Variants in NELL1 observed in about 807,000 individuals in gnomAD.
NELL1 encodes the protein neural EGFL like 1.
A neutral mutation model predicts 107.4 loss-of-function variants in NELL1; 76 were observed. The ratio of observed to expected loss-of-function variants is 0.71; its 90% CI spans 0.59 to 0.86. The LOEUF (loss-of-function observed/expected upper bound fraction) is 0.86. Among genes scored for constraint, NELL1 ranks in the 40% least tolerant of loss-of-function variants. NELL1 has a pLI of 0.00. For missense variants in NELL1, 1,024 were observed against 1,005.5 expected (o/e 1.02, Z -0.25); for synonymous variants, 353 against 341.2 (o/e 1.03, Z -0.38).
intron 2 of NELL1, among the ~76,000 whole-genome samples, chr11:20,706,166 G>T (rs151053854): frequency 6.6e-6 from 1 of 152,040 alleles, no homozygotes; most frequent in Non-Finnish European, 1.5e-5. Flanking sequence ...CCATTACTGG[G>T]TTATATACCC....
At chr11:21,279,837 A>G (rs983928338) in intron 14 of NELL1, among the ~76,000 whole-genome samples, 1 of 152,218 alleles carries the variant, frequency 6.6e-6, no homozygotes, top group Admixed American at 6.5e-5. Context: ...CAGGAGTTGA[A>G]AGGATAAACT....
chr11:20,715,018 C>A (rs142911465), intron 2 of NELL1, among the ~76,000 whole-genome samples: 2 of 151,940 alleles, frequency 1.3e-5, no homozygotes, highest in Non-Finnish European at 2.9e-5. Flanking sequence ...CCAAGGCGGG[C>A]GGATCACGAG....
intron 15 of NELL1, among the ~76,000 whole-genome samples, chr11:21,461,295 T>G (rs986525137): frequency 1.3e-5 from 2 of 152,120 alleles, no homozygotes; most frequent in African/African-American, 4.8e-5. Context: ...CCACCACTTA[T>G]TAGTAGTTTC....
chr11:21,364,992 TC>T (rs1314229579), intron 14 of NELL1, among the ~76,000 whole-genome samples: 2 of 152,226 alleles, frequency 1.3e-5, no homozygotes, highest in African/African-American at 4.8e-5. Context: ...CTGAAATGTC[TC>T]TTTTCCTGTA....
intron 14 of NELL1, among the ~76,000 whole-genome samples, chr11:21,291,899 A>G (rs551899994): frequency 4.6e-5 from 7 of 152,318 alleles, no homozygotes; most frequent in South Asian, 2.1e-4. Flanking sequence ...AAAACTCTCA[A>G]TAAACTAGGT....
chr11:21,376,542 G>A (rs992099474), intron 15 of NELL1, among the ~76,000 whole-genome samples: 42 of 151,848 alleles, frequency 2.8e-4, no homozygotes, highest in African/African-American at 8.5e-4. Flanking sequence ...TTTTTGTTTC[G>A]GTTCCAAATG....
intron 12 of NELL1, among the ~76,000 whole-genome samples, chr11:21,019,992 G>A (rs1353696494): frequency 6.6e-6 from 1 of 152,088 alleles, no homozygotes; most frequent in Non-Finnish European, 1.5e-5. Flanking sequence ...TTTGCAGCTA[G>A]AATGTCTACT....
At chr11:21,107,179 G>A (rs1275107070) in intron 12 of NELL1, among the ~76,000 whole-genome samples, 1 of 151,942 alleles carries the variant, frequency 6.6e-6, no homozygotes, top group Non-Finnish European at 1.5e-5. Flanking sequence ...ATACATTTAG[G>A]GTTCACTCGT....
At chr11:20,810,897 A>G (rs1161061467) in intron 3 of NELL1, among the ~76,000 whole-genome samples, 1 of 151,760 alleles carries the variant, frequency 6.6e-6, no homozygotes, top group African/African-American at 2.4e-5. Flanking sequence ...TATATTTTTT[A>G]TATTAACCCC....
intron 12 of NELL1, among the ~76,000 whole-genome samples, chr11:21,042,573 C>T (rs1477561930): frequency 6.6e-6 from 1 of 152,198 alleles, no homozygotes; most frequent in Non-Finnish European, 1.5e-5. Flanking sequence ...GCTGGGGCCT[C>T]AGATGACAGA....
chr11:21,542,373 G>A (rs1476605801), intron 16 of NELL1, among the ~76,000 whole-genome samples: 1 of 152,034 alleles, frequency 6.6e-6, no homozygotes, highest in Non-Finnish European at 1.5e-5. Flanking sequence ...ATAGGTAGAG[G>A]AGATGTTAGC....
intron 15 of NELL1, among the ~76,000 whole-genome samples, chr11:21,432,438 A>T (rs1013818073): frequency 5.3e-5 from 8 of 152,092 alleles, no homozygotes; most frequent in Admixed American, 2.0e-4. Context: ...TCCACCCTAA[A>T]CCTCACAAAA....
At chr11:20,909,389 T>C (rs1850075309) in intron 5 of NELL1, among the ~76,000 whole-genome samples, 1 of 152,110 alleles carries the variant, frequency 6.6e-6, no homozygotes, top group Admixed American at 6.6e-5. Flanking sequence ...TGGACCTAGG[T>C]TGGGACCCAA....
At chr11:20,673,083 A>G (rs1190193867) in intron 1 of NELL1, among the ~76,000 whole-genome samples, 1 of 150,362 alleles carries the variant, frequency 6.7e-6, no homozygotes, top group East Asian at 2.0e-4. Flanking sequence ...GCTGGTCTCG[A>G]ACTCCTGACC....
intron 5 of NELL1, among the ~76,000 whole-genome samples, chr11:20,889,481 C>T (rs990864573): frequency 2.0e-5 from 3 of 152,184 alleles, no homozygotes; most frequent in Admixed American, 2.0e-4. Context: ...ATTTAAAAAA[C>T]TTCCTGGAAG....
At chr11:21,240,798 G>A (rs7117679) in intron 14 of NELL1, among the ~76,000 whole-genome samples, 37,802 of 148,846 alleles carry the variant, frequency 0.25, 5,182 homozygotes, top group East Asian at 0.43. Context: ...TATTGGATGC[G>A]CTTAAAACAC....
rs184568944 is a variant in NELL1 at position 21,569,320 on chromosome 11, C to G, written c.1981-1444C>G. On this transcript the variant is annotated intron_variant, in intron 17 of 19. Transcript: ENST00000357134. Reference sequence around the variant, plus strand: ...CATTGCTGAATAATTCTATTTAGTTCTCTCTCAGCTACCTCATTTGAGAAA... The same window carrying G: ...CATTGCTGAATAATTCTATTTAGTTGTCTCTCAGCTACCTCATTTGAGAAA... 1.9e-3 allele frequency among the ~76,000 whole-genome samples: 283 copies of G among 152,044 alleles called. 1 individual carries two copies. The highest frequency in any genetic ancestry group is 5.9e-3 in the African/African-American group (247 of 41,542).
At chr11:21,129,123 T>A (rs1855555994) in intron 13 of NELL1, among the ~76,000 whole-genome samples, 1 of 152,198 alleles carries the variant, frequency 6.6e-6, no homozygotes, top group South Asian at 2.1e-4. Context: ...TCTCCTTAAA[T>A]CTTGTTTTCT....
At chr11:21,500,458 T>A (rs1167292801) in intron 15 of NELL1, among the ~76,000 whole-genome samples, 1 of 152,140 alleles carries the variant, frequency 6.6e-6, no homozygotes, top group Admixed American at 6.5e-5. Flanking sequence ...GTGCAAGATG[T>A]GAGCTTGTAT....
Sources: allele counts gnomAD v4.1 joint callset (sites outside exome capture counted in the v4.1 genomes callset), GRCh38; gene constraint gnomAD v4.1.1; transcripts MANE v1.5; gene names NCBI Gene and HGNC (gene_info 2026-07-23, HGNC 2026-07-21).